PTAR1: variants seen among roughly 807,000 people sequenced by gnomAD.
The protein encoded by PTAR1 is protein prenyltransferase alpha subunit repeat containing 1.
Under a neutral mutation model 45.5 loss-of-function variants are expected in PTAR1, and 17 were observed. The ratio of observed to expected loss-of-function variants is 0.37; its 90% confidence interval spans 0.26 to 0.56. The LOEUF (loss-of-function observed/expected upper bound fraction) is 0.56. Among genes scored for constraint, PTAR1 ranks in the 20% least tolerant of loss-of-function variants. The pLI, the probability that PTAR1 is intolerant of heterozygous loss-of-function variation, is 0.77. For missense variants in PTAR1, 391 were observed against 476.3 expected (o/e 0.82, Z 1.67); for synonymous variants, 169 against 171.3 (o/e 0.99, Z 0.11).
rs897241238 is a variant in PTAR1 at position 69,716,832 on chromosome 9, T to C, written c.*1510A>G. 2.6e-5 allele frequency: 4 copies of C among 152,126 alleles called. No homozygotes were observed. Among genetic ancestry groups the C allele is most frequent in the African/African-American group, 9.7e-5 (4 of 41,440 alleles). The allele number at this position is 152,126 out of a possible 1,614,324, so 9.4% of individuals were successfully genotyped here. A position where few individuals can be genotyped will look rare whatever the true frequency, so the allele number is the denominator to read the frequency against. On this transcript the variant is annotated 3_prime_UTR_variant, in exon 8 of 8. Coordinates refer to ENST00000340434, the MANE Select transcript of PTAR1 (RefSeq NM_001099666.2). Reference sequence around the variant, plus strand: ...ATGTATTTTAGATGAGGTATGAAATTCATTGCAAATAGGGGGTAGAAATCT... The same window carrying C: ...ATGTATTTTAGATGAGGTATGAAATCCATTGCAAATAGGGGGTAGAAATCT...
At chr9:69,741,337 C>T (rs986954825) in intron 3 of PTAR1, among the ~76,000 whole-genome samples, 1 of 152,140 alleles carries the variant, frequency 6.6e-6, no homozygotes, top group Non-Finnish European at 1.5e-5. Flanking sequence ...CCAGACACTG[C>T]CATTTCAGTA....
intron 1 of PTAR1, chr9:69,757,825 A>G (rs1826861091): frequency 1.3e-5 from 2 of 152,068 alleles, no homozygotes; most frequent in Admixed American, 1.3e-4. Flanking sequence ...AAGAAAGCGC[A>G]GGCAATTTTT....
At chr9:69,753,609 T>TA (rs890699237) in intron 1 of PTAR1, among the ~76,000 whole-genome samples, 3 of 152,168 alleles carry the variant, frequency 2.0e-5, no homozygotes, top group Admixed American at 1.3e-4. Context: ...ATACCTCCAG[T>TA]AAGGCAAATG....
At chr9:69,733,506 A>C (rs1448068172) in intron 4 of PTAR1, among the ~76,000 whole-genome samples, 1 of 152,150 alleles carries the variant, frequency 6.6e-6, no homozygotes, top group Admixed American at 6.6e-5. Context: ...GAGTAGTTAC[A>C]CAGGGTCCAA....
intron 3 of PTAR1, 117 bp from the exon 4 acceptor site, chr9:69,734,371 A>C (rs1205245412): frequency 1.9e-6 from 1 of 513,384 alleles, no homozygotes; most frequent in African/African-American, 2.0e-5. Context: ...AAGAATTTTA[A>C]AACAAAAAAA....
chr9:69,755,319 C>T (rs556025941), intron 1 of PTAR1, among the ~76,000 whole-genome samples: 2 of 152,248 alleles, frequency 1.3e-5, no homozygotes, highest in East Asian at 3.9e-4. Flanking sequence ...TCTCTTTGAG[C>T]GCCTCACTTC....
rs564857272 is a variant in PTAR1, at chr9:69,714,464, A to G, written c.*3878T>C. The G allele has an allele frequency of 6.6e-6, 1 of 152,002 alleles. No individual in the cohort carries two copies. The highest frequency in any genetic ancestry group is 1.5e-5 in the Non-Finnish European group (1 of 67,958). 9.4% of individuals were successfully genotyped at this position (152,002 alleles called of 1,614,324 possible). Reference sequence around the variant, plus strand: ...TCTGCCATCTTGTGCTATGTAAGAGAAAATTATTAAACTGACAATTTGTTT... The same window carrying G: ...TCTGCCATCTTGTGCTATGTAAGAGGAAATTATTAAACTGACAATTTGTTT... On this transcript the variant is annotated 3_prime_UTR_variant, in exon 8 of 8. Transcript: ENST00000340434.
chr9:69,751,132 T>TG (rs1317767144), intron 1 of PTAR1, among the ~76,000 whole-genome samples, 182 bp from the exon 2 acceptor site: 2 of 152,148 alleles, frequency 1.3e-5, no homozygotes, highest in African/African-American at 4.8e-5. Context: ...ACCAGTATGC[T>TG]GTACTCTCTG....
At position 69,722,782 on chromosome 9, in the gene PTAR1, C is replaced by T. The variant is rs575326856; in HGVS notation, c.947+544G>A. ...GGTGAAATTCCGTCTCTACTAAAAA[C>T]ACAAAAATTAGCCCGGTGTGGTGGT... is the stretch of plus-strand genomic sequence containing the variant. On this transcript the variant is annotated intron_variant, in intron 6 of 7. Coordinates refer to ENST00000340434, the MANE Select transcript of PTAR1 (RefSeq NM_001099666.2). Among the ~76,000 whole-genome samples the T allele has an allele frequency of 4.6e-4, 69 of 151,616 alleles. 1 individual carries two copies. Among genetic ancestry groups the T allele is most frequent in the Admixed American group, 4.1e-3 (62 of 15,252 alleles).
intron 3 of PTAR1, among the ~76,000 whole-genome samples, chr9:69,734,991 A>G (rs1486447034): frequency 6.6e-6 from 1 of 152,174 alleles, no homozygotes; most frequent in African/African-American, 2.4e-5. Context: ...TTGTTATTTT[A>G]AAACAAATCT....
chr9:69,735,430 T>C (rs1378666118), intron 3 of PTAR1, among the ~76,000 whole-genome samples: 1 of 152,206 alleles, frequency 6.6e-6, no homozygotes. Context: ...GGACTAATGA[T>C]AGGAAAACAA....
At chr9:69,732,502 G>A (rs1825585771) in intron 4 of PTAR1, 150 bp from the exon 5 acceptor site, 2 of 629,444 alleles carry the variant, frequency 3.2e-6, no homozygotes, top group Non-Finnish European at 5.5e-6. Context: ...GAGATGGGGA[G>A]GGGTTGTTTT....
At chr9:69,759,722 C>T (rs1317880211) in intron 1 of PTAR1, 131 bp downstream of exon 1, 1 of 874,290 alleles carries the variant, frequency 1.1e-6, no homozygotes, top group African/African-American at 1.8e-5. Flanking sequence ...CGACACGGCT[C>T]TGCCTCCTCC....
intron 4 of PTAR1, 72 bp from the exon 5 acceptor site, chr9:69,732,424 T>C: frequency 1.9e-6 from 2 of 1,067,594 alleles, no homozygotes. Flanking sequence ...CCAGTTTTCA[T>C]TGTTCCTAAT....
chr9:69,759,990 C>G lies in PTAR1; in HGVS notation c.-52G>C. 7.2e-7 allele frequency: 1 copy of G among 1,393,930 alleles called. No individual in the cohort carries two copies. The highest frequency in any genetic ancestry group is 9.4e-7 in the Non-Finnish European group (1 of 1,062,088). 86.3% of individuals were successfully genotyped at this position (1,393,930 alleles called of 1,614,324 possible). ...CGCGCCTCCGCGTGAGCCGGGCCGC[C>G]GGCGGGAGTTCCGCGGAGAACGAGC... On this transcript the variant is annotated 5_prime_UTR_variant, in exon 1 of 8. Transcript: ENST00000340434.
intron 4 of PTAR1, 132 bp downstream of exon 4, chr9:69,734,018 T>C: frequency 1.7e-6 from 1 of 592,876 alleles, no homozygotes; most frequent in Non-Finnish European, 3.0e-6. Context: ...CTCCTAGATT[T>C]AAATGTAGGT....
rs201676111 is a variant in PTAR1, at chr9:69,741,757, C to T, written c.323+35G>A. 4.6e-5 allele frequency: 67 copies of T among 1,466,880 alleles called. 1 individual carries two copies. The highest frequency in any genetic ancestry group is 6.1e-5 in the Non-Finnish European group (65 of 1,061,844). 90.9% of individuals were successfully genotyped at this position (1,466,880 alleles called of 1,614,324 possible). A position where few individuals can be genotyped will look rare whatever the true frequency, so the allele number is the denominator to read the frequency against. On this transcript the variant is annotated intron_variant, in intron 3 of 7. Coordinates refer to ENST00000340434, the MANE Select transcript of PTAR1 (RefSeq NM_001099666.2). ...GCTTACATGTCTTCAGAAATTTGGACAAACTTTATCATATCACTAATGAAA... is the reference window on the plus strand; with the variant it reads ...GCTTACATGTCTTCAGAAATTTGGATAAACTTTATCATATCACTAATGAAA...
chr9:69,709,625 G>A lies in PTAR1; in HGVS notation c.*8717C>T, dbSNP rs1321635530. The A allele has an allele frequency of 6.6e-6, 1 of 152,068 alleles. No homozygotes were observed. Among genetic ancestry groups the A allele is most frequent in the African/African-American group, 2.4e-5 (1 of 41,416 alleles). 9.4% of individuals were successfully genotyped at this position (152,068 alleles called of 1,614,324 possible). On this transcript the variant is annotated 3_prime_UTR_variant, in exon 8 of 8. Coordinates refer to ENST00000340434, the MANE Select transcript of PTAR1 (RefSeq NM_001099666.2). ...TACAGAAATACAATACTTTATAGCT[G>A]GCTTGGTACATGGTCACATAAGAAC... is the stretch of plus-strand genomic sequence containing the variant.
chr9:69,734,274 A>AAT lies in PTAR1; in HGVS notation c.324-21_324-20insAT. The AAT allele has an allele frequency of 8.4e-7, 1 of 1,192,648 alleles. No individual in the cohort carries two copies. Among genetic ancestry groups the AAT allele is most frequent in the Middle Eastern group, 2.3e-4 (1 of 4,336 alleles). 73.9% of individuals were successfully genotyped at this position (1,192,648 alleles called of 1,614,324 possible). A position where few individuals can be genotyped will look rare whatever the true frequency, so the allele number is the denominator to read the frequency against. On this transcript the variant is annotated intron_variant, in intron 3 of 7. Coordinates refer to ENST00000340434, the MANE Select transcript of PTAR1 (RefSeq NM_001099666.2). The stretch of plus-strand genomic sequence containing the variant: ...TCTTTCCTGTAAAAAAAAAAAAAAA[A>AAT]AAAAAAAAAAATTAAACATTACTTT...
Sources: gnomAD v4.1 joint callset for allele counts (sites outside exome capture counted in the v4.1 genomes callset) on GRCh38, gnomAD v4.1.1 for gene constraint, MANE v1.5 for transcripts, NCBI Gene and HGNC (gene_info 2026-07-23, HGNC 2026-07-21) for gene names.